The following CSGALNACT1 variants were observed in gnomAD, a reference collection of about 807,000 sequenced individuals.
CSGALNACT1 encodes chondroitin sulfate N-acetylgalactosaminyltransferase 1.
CSGALNACT1 carries 52 observed loss-of-function variants against 51.0 expected under a neutral mutation model. The ratio of observed to expected loss-of-function variants is 1.02; its 90% CI spans 0.82 to 1.29. The LOEUF (loss-of-function observed/expected upper bound fraction) is 1.29. Ranked by LOEUF, CSGALNACT1 falls within the 50% of genes most tolerant of loss-of-function variation. The probability of loss-of-function intolerance (pLI) is 0.00; values close to 1 mark genes in which losing one functional copy is unlikely to be tolerated. For synonymous variants in CSGALNACT1, 341 were observed against 254.4 expected (o/e 1.34, Z -3.24); for missense variants, 935 against 679.2 (o/e 1.38, Z -4.19).
chr8:19,637,765 G>T (rs940983284), intron 1 of CSGALNACT1, among the ~76,000 whole-genome samples: 1 of 151,858 alleles, frequency 6.6e-6, no homozygotes, highest in African/African-American at 2.4e-5. Context: ...AGGATCATTC[G>T]TAACTGACAA....
intron 1 of CSGALNACT1, among the ~76,000 whole-genome samples, chr8:19,666,955 GAAAGAA>G: frequency 7.4e-5 from 1 of 13,472 alleles, no homozygotes; most frequent in African/African-American, 4.1e-4. Flanking sequence ...AAGAAAGAAA[GAAAGAA>G]AGAAAGAAAG....
intron 3 of CSGALNACT1, among the ~76,000 whole-genome samples, chr8:19,529,829 C>T (rs544205444): frequency 1.3e-5 from 2 of 152,306 alleles, no homozygotes; most frequent in South Asian, 2.1e-4. Flanking sequence ...ATCATCTCTA[C>T]ATTATTTATA....
intron 1 of CSGALNACT1, among the ~76,000 whole-genome samples, chr8:19,672,140 C>A (rs2059840861): frequency 6.6e-6 from 1 of 152,176 alleles, no homozygotes; most frequent in Non-Finnish European, 1.5e-5. Flanking sequence ...TTCTTTGTCT[C>A]CCTCTCTTTC....
chr8:19,705,273 G>A (rs915004513), intron 1 of CSGALNACT1, among the ~76,000 whole-genome samples: 10 of 152,154 alleles, frequency 6.6e-5, no homozygotes, highest in African/African-American at 2.4e-4. Flanking sequence ...TAACTCAAGG[G>A]TAGCTATTTA....
intron 1 of CSGALNACT1, among the ~76,000 whole-genome samples, chr8:19,671,741 G>A (rs969813329): frequency 2.0e-5 from 3 of 152,112 alleles, no homozygotes; most frequent in East Asian, 1.9e-4. Flanking sequence ...GCGGGGTGGT[G>A]GGGGGAGCTA....
rs148656416 is a variant in CSGALNACT1 at position 19,695,246 on chromosome 8, G to C, written c.-297+62604C>G. 1.3e-4 allele frequency among the ~76,000 whole-genome samples: 20 copies of C among 152,208 alleles called. No homozygotes were observed. The East Asian group carries it at 3.9e-3, about 29-fold the overall frequency. ...TACAGAACTGGAAATAATTTGAATT[G>C]TAAGATCTTCATTAAAAAAATAAAA... On this transcript the variant is annotated intron_variant, in intron 1 of 1. Coordinates refer to the CSGALNACT1 transcript ENST00000517494.
intron 3 of CSGALNACT1, among the ~76,000 whole-genome samples, chr8:19,520,861 A>G (rs1419722158): frequency 6.6e-6 from 1 of 152,216 alleles, no homozygotes; most frequent in African/African-American, 2.4e-5. Flanking sequence ...GAGGTTATTA[A>G]CATGTCCAAA....
chr8:19,444,021 A>C (rs2061732717), intron 5 of CSGALNACT1, among the ~76,000 whole-genome samples: 1 of 152,164 alleles, frequency 6.6e-6, no homozygotes, highest in Non-Finnish European at 1.5e-5. Flanking sequence ...TCCTATAAGA[A>C]TCTAATGCTA....
chr8:19,457,733 CA>C, intron 5 of CSGALNACT1: 1 of 1,346,362 alleles, frequency 7.4e-7, no homozygotes, highest in Non-Finnish European at 9.8e-7. Flanking sequence ...CCAATATGTG[CA>C]TCTGAGCCAT....
At chr8:19,549,656 C>CT (rs542956513) in intron 3 of CSGALNACT1, among the ~76,000 whole-genome samples, 4,649 of 83,190 alleles carry the variant, frequency 0.056, 183 homozygotes, top group African/African-American at 0.095. Context: ...CAATTTCCTA[C>CT]TTTTTTTTTT....
chr8:19,694,976 G>T (rs185995417), intron 1 of CSGALNACT1, among the ~76,000 whole-genome samples: 1 of 152,202 alleles, frequency 6.6e-6, no homozygotes, highest in African/African-American at 2.4e-5. Context: ...AACAAGCCCC[G>T]GAGACAGATG....
chr8:19,604,959 A>AGCT (rs1449514311), upstream of CSGALNACT1, among the ~76,000 whole-genome samples: 4 of 151,090 alleles, frequency 2.6e-5, no homozygotes. Flanking sequence ...TACATAACAC[A>AGCT]GCTGCATGGA....
intron 3 of CSGALNACT1, among the ~76,000 whole-genome samples, chr8:19,509,353 C>T (rs1200775504): frequency 1.3e-5 from 2 of 152,074 alleles, no homozygotes; most frequent in East Asian, 1.9e-4. Flanking sequence ...GGCACGGTGG[C>T]TCACACCTGT....
At chr8:19,420,355 G>T in exon 7 of CSGALNACT1, 1 of 1,614,150 alleles carries the variant, frequency 6.2e-7, no homozygotes, top group African/African-American at 1.3e-5. Context: ...TGTGTATTCA[G>T]CCTACACGTA....
At chr8:19,752,092 T>C (rs1403347395) in intron 1 of CSGALNACT1, among the ~76,000 whole-genome samples, 1 of 145,576 alleles carries the variant, frequency 6.9e-6, no homozygotes, top group Non-Finnish European at 1.5e-5. Context: ...TGATGATAAA[T>C]GATATACATT....
chr8:19,452,768 A>G (rs2063421467), intron 5 of CSGALNACT1, among the ~76,000 whole-genome samples: 1 of 152,088 alleles, frequency 6.6e-6, no homozygotes, highest in Non-Finnish European at 1.5e-5. Context: ...ACCCCTTGGG[A>G]AAACAATTAA....
intron 4 of CSGALNACT1, among the ~76,000 whole-genome samples, chr8:19,482,636 A>C (rs1430425278): frequency 1.3e-5 from 2 of 151,870 alleles, no homozygotes; most frequent in Admixed American, 6.6e-5. Context: ...TTCCTTTATA[A>C]TTTCCATCAC....
rs558737303 is a variant in CSGALNACT1 at position 19,527,210 on chromosome 8, G to A, written c.-296-21080C>T. On this transcript the variant is annotated intron_variant, in intron 3 of 9. Coordinates refer to ENST00000454498, the Ensembl canonical transcript of CSGALNACT1. ...CAAAAGGAACAAAGGGGACATAGATGAGGAATATTCAACCTAACCTCACGC... is the reference window on the plus strand; with the variant it reads ...CAAAAGGAACAAAGGGGACATAGATAAGGAATATTCAACCTAACCTCACGC... Among the ~76,000 whole-genome samples, 6 of 152,320 alleles carry A rather than the reference G, an allele frequency of 3.9e-5. No individual in the cohort carries two copies. The East Asian group carries it at 1.2e-3, about 29-fold the overall frequency.
intron 1 of CSGALNACT1, among the ~76,000 whole-genome samples, chr8:19,664,352 G>A (rs979772298): frequency 1.3e-5 from 2 of 152,120 alleles, no homozygotes; most frequent in Admixed American, 6.6e-5. Flanking sequence ...TTGGCGAGGA[G>A]GTGCAGAAAA....
Sources: gnomAD v4.1 joint callset for allele counts (sites outside exome capture counted in the v4.1 genomes callset) on GRCh38, gnomAD v4.1.1 for gene constraint, MANE v1.5 for transcripts, NCBI Gene and HGNC (gene_info 2026-07-23, HGNC 2026-07-21) for gene names.